Variants in FOXP1 observed in about 807,000 individuals in gnomAD.
FOXP1 encodes forkhead box protein P1.
In FOXP1, 15 loss-of-function variants were observed where a neutral mutation model predicts 98.2. The observed-to-expected ratio is 0.15, with a 90% CI of 0.10 to 0.24. The LOEUF is 0.24. Ranked by LOEUF, FOXP1 falls within the 10% of genes least tolerant of loss-of-function variation. The pLI is 1.00. For missense variants in FOXP1, 633 were observed against 848.5 expected, an observed-to-expected ratio of 0.75 and a Z score of 3.15; for synonymous variants, 371 against 314.5, an observed-to-expected ratio of 1.18 and a Z score of -1.90.
intron 3 of FOXP1, among the ~76,000 whole-genome samples, chr3:71,398,002 A>C (rs1056936261): frequency 3.3e-5 from 5 of 152,178 alleles, no homozygotes; most frequent in Non-Finnish European, 7.3e-5. Context: ...GGAAAACCAG[A>C]AAGATCACTA....
At chr3:71,018,100 G>C (rs1370286261) in intron 11 of FOXP1, among the ~76,000 whole-genome samples, 1 of 152,166 alleles carries the variant, frequency 6.6e-6, no homozygotes, top group Admixed American at 6.5e-5. Flanking sequence ...ATAATAATAT[G>C]CATTCACTAG....
intron 6 of FOXP1, among the ~76,000 whole-genome samples, chr3:71,196,936 C>G (rs762705950): frequency 2.0e-5 from 3 of 152,184 alleles, no homozygotes; most frequent in Non-Finnish European, 4.4e-5. Context: ...GTTACTTTTC[C>G]TTTCTTTCGC....
At chr3:71,132,480 A>G (rs550074555) in intron 6 of FOXP1, among the ~76,000 whole-genome samples, 53 of 152,252 alleles carry the variant, frequency 3.5e-4, no homozygotes, top group Admixed American at 5.2e-4. Context: ...AGTGCATACA[A>G]TCAAATAGTA....
intron 3 of FOXP1, among the ~76,000 whole-genome samples, chr3:71,480,729 T>A (rs2090204852): frequency 6.6e-6 from 1 of 152,134 alleles, no homozygotes; most frequent in African/African-American, 2.4e-5. Flanking sequence ...CTTTCATAGC[T>A]TGTCAAGTAG....
intron 4 of FOXP1, among the ~76,000 whole-genome samples, chr3:71,347,731 C>A (rs1389859755): frequency 2.0e-5 from 3 of 152,014 alleles, no homozygotes; most frequent in African/African-American, 7.2e-5. Flanking sequence ...ACTAAAAATA[C>A]AAAATTAGCC....
intron 4 of FOXP1, among the ~76,000 whole-genome samples, chr3:71,328,216 C>T (rs973315072): frequency 1.3e-5 from 2 of 151,832 alleles, no homozygotes; most frequent in African/African-American, 4.8e-5. Flanking sequence ...GATGGCCAAG[C>T]CCAGGAGTTC....
intron 2 of FOXP1, among the ~76,000 whole-genome samples, chr3:71,529,603 G>C (rs1183451872): frequency 1.3e-5 from 2 of 152,078 alleles, no homozygotes; most frequent in Non-Finnish European, 2.9e-5. Context: ...GAGGGGAGAG[G>C]GACTGAAGGT....
chr3:71,553,577 C>CT lies in FOXP1; in HGVS notation c.-298+27971dup, dbSNP rs1055454120. Among the ~76,000 whole-genome samples, 7 of 151,948 alleles carry CT rather than the reference C, an allele frequency of 4.6e-5. No individual in the cohort carries two copies. The South Asian group carries it at 8.3e-4, about 18-fold the overall frequency. ...ATGGTAATATTGTCCTGTTTGCAATCTTTTTTTTACCAACAACTGAAATTT... is the reference window on the plus strand; with the variant it reads ...ATGGTAATATTGTCCTGTTTGCAATCTTTTTTTTTACCAACAACTGAAATTT... On this transcript the variant is annotated intron_variant, in intron 2 of 20. Coordinates refer to ENST00000649528, the MANE Select transcript of FOXP1 (RefSeq NM_001349338.3).
At chr3:71,267,331 T>C (rs1179780072) in intron 5 of FOXP1, among the ~76,000 whole-genome samples, 1 of 151,912 alleles carries the variant, frequency 6.6e-6, no homozygotes, top group African/African-American at 2.4e-5. Context: ...ATTAGAAAAA[T>C]TTAAATAAGT....
chr3:70,960,999 C>T (rs1012577976), intron 20 of FOXP1, among the ~76,000 whole-genome samples: 2 of 151,926 alleles, frequency 1.3e-5, no homozygotes, highest in African/African-American at 2.4e-5. Context: ...CCTGCCACCG[C>T]GCCCGGCTAA....
chr3:71,356,449 A>G (rs1455181702), intron 4 of FOXP1, among the ~76,000 whole-genome samples: 1 of 152,206 alleles, frequency 6.6e-6, no homozygotes, highest in Non-Finnish European at 1.5e-5. Flanking sequence ...TCTATCAGTA[A>G]AACAACGACC....
intron 3 of FOXP1, among the ~76,000 whole-genome samples, chr3:71,376,321 T>C (rs567400736): frequency 6.6e-6 from 1 of 152,244 alleles, no homozygotes; most frequent in African/African-American, 2.4e-5. Flanking sequence ...AACAATTTAT[T>C]CTTCATGGAA....
chr3:71,016,660 C>G (rs987628821), intron 11 of FOXP1, among the ~76,000 whole-genome samples: 4 of 112,542 alleles, frequency 3.6e-5, no homozygotes, highest in African/African-American at 2.3e-4. Context: ...TACAAGAACA[C>G]ACACACACAC....
intron 5 of FOXP1, among the ~76,000 whole-genome samples, chr3:71,204,908 C>G (rs1266266775): frequency 6.6e-6 from 1 of 152,148 alleles, no homozygotes; most frequent in Non-Finnish European, 1.5e-5. Context: ...TGACCCGGGT[C>G]CCATTTCATG....
chr3:71,144,032 T>C (rs2060191337), intron 6 of FOXP1, among the ~76,000 whole-genome samples: 1 of 152,156 alleles, frequency 6.6e-6, no homozygotes, highest in Non-Finnish European at 1.5e-5. Context: ...TAATTTTACT[T>C]TTACATGAAT....
At chr3:71,099,244 C>G (rs1001036468) in intron 7 of FOXP1, among the ~76,000 whole-genome samples, 2 of 152,202 alleles carry the variant, frequency 1.3e-5, no homozygotes, top group Non-Finnish European at 2.9e-5. Context: ...CACACAGTGG[C>G]TCACGCCTAT....
chr3:71,056,088 G>C (rs540329742), intron 7 of FOXP1, among the ~76,000 whole-genome samples: 1 of 152,316 alleles, frequency 6.6e-6, no homozygotes, highest in East Asian at 1.9e-4. Context: ...TCTCGAGTGA[G>C]GTGGTGCTCA....
intron 13 of FOXP1, among the ~76,000 whole-genome samples, chr3:71,000,390 T>C (rs543173794): frequency 2.6e-4 from 40 of 152,146 alleles, no homozygotes; most frequent in Middle Eastern, 6.8e-3. Context: ...TCTCAGTTAT[T>C]CTTAGTGGTG....
At chr3:71,214,723 G>C (rs1331171893) in intron 5 of FOXP1, among the ~76,000 whole-genome samples, 2 of 152,168 alleles carry the variant, frequency 1.3e-5, no homozygotes, top group Non-Finnish European at 2.9e-5. Context: ...AGCCATTGTT[G>C]ATCACGTTCT....
Sources: gnomAD v4.1 joint callset for allele counts (sites outside exome capture counted in the v4.1 genomes callset) on GRCh38, gnomAD v4.1.1 for gene constraint, MANE v1.5 for transcripts, NCBI Gene and HGNC (gene_info 2026-07-23, HGNC 2026-07-21) for gene names.